The following FHIT variants were observed in gnomAD, a reference collection of about 807,000 sequenced individuals.
The protein encoded by FHIT is bis(5'-adenosyl)-triphosphatase.
Under a neutral mutation model 17.9 loss-of-function variants are expected in FHIT, and 19 were observed. The observed-to-expected ratio is 1.06, with a 90% CI of 0.74 to 1.56. The LOEUF (loss-of-function observed/expected upper bound fraction) is 1.56. Ranked by LOEUF, FHIT falls within the 40% of genes most tolerant of loss-of-function variation. The pLI is 0.00. For missense variants in FHIT, 248 were observed against 189.2 expected, an observed-to-expected ratio of 1.31 and a Z score of -1.82; for synonymous variants, 81 against 69.7, an observed-to-expected ratio of 1.16 and a Z score of -0.81.
chr3:60,262,836 T>C (rs924509325), intron 5 of FHIT, among the ~76,000 whole-genome samples: 1 of 149,978 alleles, frequency 6.7e-6, no homozygotes, highest in African/African-American at 2.5e-5. Flanking sequence ...TTAGTACATA[T>C]AAAGTACAAA....
At chr3:60,121,258 A>G (rs1353740696) in intron 5 of FHIT, among the ~76,000 whole-genome samples, 1 of 152,182 alleles carries the variant, frequency 6.6e-6, no homozygotes, top group Non-Finnish European at 1.5e-5. Context: ...ATGCTACTAA[A>G]GTAAAATGTG....
rs182884740 is a variant in FHIT at position 60,244,625 on chromosome 3, G to A, written c.104-230473C>T. 1.6e-3 allele frequency among the ~76,000 whole-genome samples: 250 copies of A among 152,134 alleles called. 2 individuals carry two copies. Among genetic ancestry groups the A allele is most frequent in the Non-Finnish European group, 2.5e-3 (167 of 67,952 alleles). On this transcript the variant is annotated intron_variant, in intron 5 of 9. Coordinates refer to ENST00000492590, the MANE Select transcript of FHIT (RefSeq NM_002012.4). Reference sequence around the variant, plus strand: ...CAAAATTGTAAGGCAATGAATTTCTGAATTGGGGCCTCAATGAGAAGTTTG... The same window carrying A: ...CAAAATTGTAAGGCAATGAATTTCTAAATTGGGGCCTCAATGAGAAGTTTG...
At chr3:60,270,553 C>G (rs968972228) in intron 5 of FHIT, among the ~76,000 whole-genome samples, 7 of 152,160 alleles carry the variant, frequency 4.6e-5, no homozygotes, top group African/African-American at 9.7e-5. Flanking sequence ...TATAAATTAT[C>G]ATACACATGC....
chr3:61,183,572 T>C (rs111560358), intron 2 of FHIT, among the ~76,000 whole-genome samples: 3 of 152,196 alleles, frequency 2.0e-5, no homozygotes, highest in African/African-American at 7.2e-5. Flanking sequence ...CTAACCTCTC[T>C]GAACATCTGT....
At chr3:60,619,804 A>T (rs1233378807) in intron 4 of FHIT, among the ~76,000 whole-genome samples, 1 of 152,142 alleles carries the variant, frequency 6.6e-6, no homozygotes, top group Non-Finnish European at 1.5e-5. Flanking sequence ...TCCATGAAAG[A>T]AATCATTGAT....
intron 8 of FHIT, among the ~76,000 whole-genome samples, chr3:59,789,727 A>G (rs1699469884): frequency 6.6e-6 from 1 of 152,176 alleles, no homozygotes; most frequent in Non-Finnish European, 1.5e-5. Flanking sequence ...CTTTAGAAAA[A>G]TTATGAATCT....
chr3:59,969,198 C>T (rs979937804), intron 7 of FHIT, among the ~76,000 whole-genome samples: 1 of 152,156 alleles, frequency 6.6e-6, no homozygotes, highest in Non-Finnish European at 1.5e-5. Flanking sequence ...CTGTTCTACG[C>T]ATATTTACTG....
intron 5 of FHIT, among the ~76,000 whole-genome samples, chr3:60,397,970 C>T (rs372825653): frequency 5.3e-5 from 8 of 152,262 alleles, no homozygotes; most frequent in African/African-American, 1.9e-4. Context: ...GCCACAGCCT[C>T]AGCCATATTA....
At chr3:59,774,369 C>T (rs568295885) in intron 8 of FHIT, among the ~76,000 whole-genome samples, 1 of 152,314 alleles carries the variant, frequency 6.6e-6, no homozygotes, top group Admixed American at 6.5e-5. Flanking sequence ...CAGTCAAGAA[C>T]GTTCATTCCA....
At chr3:60,308,264 C>T (rs1454605053) in intron 5 of FHIT, among the ~76,000 whole-genome samples, 2 of 152,034 alleles carry the variant, frequency 1.3e-5, no homozygotes, top group Non-Finnish European at 2.9e-5. Flanking sequence ...GTATTACTTG[C>T]CTTACAGAAA....
intron 5 of FHIT, among the ~76,000 whole-genome samples, chr3:60,167,147 T>C (rs1347938288): frequency 6.6e-6 from 1 of 152,186 alleles, no homozygotes; most frequent in Non-Finnish European, 1.5e-5. Flanking sequence ...CTCATTAACC[T>C]CTTATCCTAT....
At chr3:60,060,185 TAAA>T (rs113982258) in intron 5 of FHIT, among the ~76,000 whole-genome samples, 81 of 147,374 alleles carry the variant, frequency 5.5e-4, no homozygotes, top group African/African-American at 1.9e-3. Context: ...TAATTGGTGT[TAAA>T]AAAAAAAACC....
chr3:59,750,776 T>A (rs915674480), intron 9 of FHIT: 1 of 211,110 alleles, frequency 4.7e-6, no homozygotes, highest in Non-Finnish European at 9.5e-6. Flanking sequence ...AGTGCACATA[T>A]ATTTAAAGCT....
At chr3:60,806,246 A>G (rs1575548362) in intron 4 of FHIT, among the ~76,000 whole-genome samples, 1 of 152,226 alleles carries the variant, frequency 6.6e-6, no homozygotes, top group Non-Finnish European at 1.5e-5. Context: ...TCAGCACCCC[A>G]GGCAGCAGCC....
rs184997936 is a variant in FHIT, at chr3:60,472,429, C to T, written c.103+64431G>A. On this transcript the variant is annotated intron_variant, in intron 5 of 9. Coordinates refer to ENST00000492590, the MANE Select transcript of FHIT (RefSeq NM_002012.4). ...TGTTGCCCAGGCTGGAGTGCAGTGG[C>T]GTGATCTCGGCTCACTGCAAGCTCC... is the stretch of plus-strand genomic sequence containing the variant. Among the ~76,000 whole-genome samples, 49 of 145,992 alleles carry T rather than the reference C, an allele frequency of 3.4e-4. 1 individual carries two copies. Among genetic ancestry groups the T allele is most frequent in the African/African-American group, 1.1e-3 (44 of 38,950 alleles).
At chr3:60,259,070 C>G (rs1706162874) in intron 5 of FHIT, among the ~76,000 whole-genome samples, 2 of 151,096 alleles carry the variant, frequency 1.3e-5, no homozygotes, top group South Asian at 4.2e-4. Flanking sequence ...AAAAAAAAGA[C>G]CTACCTTGAT....
At chr3:60,132,976 C>T (rs976071314) in intron 5 of FHIT, among the ~76,000 whole-genome samples, 19 of 152,064 alleles carry the variant, frequency 1.2e-4, no homozygotes, top group African/African-American at 3.6e-4. Flanking sequence ...CATCTAAAAG[C>T]GTTAATATAC....
chr3:60,681,723 C>T (rs2040753380), intron 4 of FHIT, among the ~76,000 whole-genome samples: 1 of 152,168 alleles, frequency 6.6e-6, no homozygotes, highest in South Asian at 2.1e-4. Context: ...CTAGCCACAA[C>T]ATTCCCTTAA....
At chr3:60,396,614 A>G (rs1485124448) in intron 5 of FHIT, among the ~76,000 whole-genome samples, 2 of 152,184 alleles carry the variant, frequency 1.3e-5, no homozygotes, top group Non-Finnish European at 2.9e-5. Context: ...GAGATAGAAC[A>G]CAGATTAATG....
Sources: gnomAD v4.1 joint callset for allele counts (sites outside exome capture counted in the v4.1 genomes callset) on GRCh38, gnomAD v4.1.1 for gene constraint, MANE v1.5 for transcripts, NCBI Gene and HGNC (gene_info 2026-07-23, HGNC 2026-07-21) for gene names.